ABCD3: variants seen among roughly 807,000 people sequenced by gnomAD.
ABCD3 encodes ATP binding cassette subfamily D member 3.
Under a neutral mutation model 105.5 loss-of-function variants are expected in ABCD3, and 41 were observed. The observed-to-expected ratio is 0.39, with a 90% CI of 0.30 to 0.50. The LOEUF (loss-of-function observed/expected upper bound fraction) is 0.50, where lower values mean the gene tolerates loss of function less well. Ranked by LOEUF, ABCD3 falls within the 20% of genes least tolerant of loss-of-function variation. ABCD3 has a pLI of 0.84. For synonymous variants in ABCD3, 258 were observed against 269.0 expected (o/e 0.96, Z 0.40); for missense variants, 622 against 806.3 (o/e 0.77, Z 2.77).
chr1:94,503,979 C>T (rs1326937025), intron 20 of ABCD3, among the ~76,000 whole-genome samples: 1 of 140,598 alleles, frequency 7.1e-6, no homozygotes, highest in Non-Finnish European at 1.5e-5. Context: ...CTGGCACGAT[C>T]TCAGCTTACT....
At chr1:94,470,596 G>A (rs1648409091) in intron 4 of ABCD3, among the ~76,000 whole-genome samples, 1 of 151,702 alleles carries the variant, frequency 6.6e-6, no homozygotes, top group Non-Finnish European at 1.5e-5. Flanking sequence ...CATTGTGCTG[G>A]GCACTAGGTG....
the ABCD3 span, among the ~76,000 whole-genome samples, chr1:94,395,828 T>TGC: frequency 6.6e-6 from 1 of 151,626 alleles, no homozygotes; most frequent in Non-Finnish European, 1.5e-5. Flanking sequence ...TGTGTGTGTG[T>TGC]GCACGCGTGT....
At position 94,468,890 on chromosome 1, in the gene ABCD3, A is replaced by G. The variant is rs1050708963; in HGVS notation, c.335+883A>G. Among the ~76,000 whole-genome samples, 5 of 11,946 alleles carry G rather than the reference A, an allele frequency of 4.2e-4. No homozygotes were observed. The Admixed American group carries it at 0.012, about 29-fold the overall frequency. The allele number at this position is 11,946 out of a possible 152,430, so 7.8% of individuals were successfully genotyped here. On this transcript the variant is annotated intron_variant, in intron 4 of 22. Transcript: ENST00000370214. ...TAGGACAGTAAAAAATCTTGTATGT[A>G]TAAGGATTAAAGCCTTGAATTACAT...
intron 1 of ABCD3, 134 bp from the exon 2 acceptor site, chr1:94,458,473 T>C: frequency 2.6e-6 from 2 of 765,348 alleles, no homozygotes; most frequent in South Asian, 1.6e-5. Context: ...TTATTTAATA[T>C]GTTCTATCTC....
At chr1:94,503,364 C>T (rs1206401569) in intron 20 of ABCD3, among the ~76,000 whole-genome samples, 1 of 152,150 alleles carries the variant, frequency 6.6e-6, no homozygotes, top group Non-Finnish European at 1.5e-5. Context: ...TAACTGTGTG[C>T]TGCTCTGTCC....
At chr1:94,396,819 T>A in the ABCD3 span, among the ~76,000 whole-genome samples, 1 of 152,230 alleles carries the variant, frequency 6.6e-6, no homozygotes, top group Non-Finnish European at 1.5e-5. Flanking sequence ...AACCGCATGA[T>A]CTCCGGAGGG....
At chr1:94,462,483 T>C (rs571481200) in intron 2 of ABCD3, among the ~76,000 whole-genome samples, 1 of 152,152 alleles carries the variant, frequency 6.6e-6, no homozygotes, top group African/African-American at 2.4e-5. Context: ...AATGATAATT[T>C]GGAAGAATAT....
At chr1:94,396,075 C>T in the ABCD3 span, among the ~76,000 whole-genome samples, 1 of 152,134 alleles carries the variant, frequency 6.6e-6, no homozygotes, top group Non-Finnish European at 1.5e-5. Flanking sequence ...TCTGCCTATC[C>T]TTTCCTTCTT....
chr1:94,465,773 T>A (rs556709114), intron 3 of ABCD3, among the ~76,000 whole-genome samples: 1 of 152,326 alleles, frequency 6.6e-6, no homozygotes, highest in Admixed American at 6.5e-5. Context: ...TTTATCAAGA[T>A]TATCTTCATT....
chr1:94,409,341 A>T, the ABCD3 span, among the ~76,000 whole-genome samples: 1 of 152,224 alleles, frequency 6.6e-6, no homozygotes, highest in Non-Finnish European at 1.5e-5. Context: ...CCATAAACAT[A>T]TACACCTACT....
At chr1:94,496,451 TTGTG>T (rs57988079) in intron 16 of ABCD3, among the ~76,000 whole-genome samples, 339 of 149,060 alleles carry the variant, frequency 2.3e-3, no homozygotes, top group African/African-American at 6.7e-3. Context: ...TGCCATTTCA[TTGTG>T]TGTGTGTGTG....
chr1:94,500,307 G>T (rs749067001), intron 20 of ABCD3, among the ~76,000 whole-genome samples: 3 of 152,046 alleles, frequency 2.0e-5, no homozygotes, highest in Admixed American at 6.6e-5. Flanking sequence ...TTATCTGGGC[G>T]TAGTGGCACA....
intron 3 of ABCD3, among the ~76,000 whole-genome samples, chr1:94,467,303 C>T (rs1177422914): frequency 6.6e-6 from 1 of 151,960 alleles, no homozygotes; most frequent in Admixed American, 6.5e-5. Flanking sequence ...CTGTCTTTTG[C>T]TACCCCAAAC....
chr1:94,450,749 G>GC (rs1647217452), intron 1 of ABCD3, among the ~76,000 whole-genome samples: 1 of 152,154 alleles, frequency 6.6e-6, no homozygotes, highest in Non-Finnish European at 1.5e-5. Context: ...TTCCTCTAGT[G>GC]CCGCTGGGTT....
chr1:94,445,995 C>T lies in ABCD3; in HGVS notation c.111-12612C>T, dbSNP rs186619616. Among the ~76,000 whole-genome samples the T allele has an allele frequency of 2.6e-5, 4 of 152,150 alleles. No homozygotes were observed. The East Asian group carries it at 7.7e-4, about 29-fold the overall frequency. On this transcript the variant is annotated intron_variant, in intron 1 of 22. Transcript: ENST00000370214. ...ACTGAGAGTGGGTAAAGGAAATACT[C>T]AGTTTCCTGGAGCTTGTTCTAACTG...
upstream of ABCD3, among the ~76,000 whole-genome samples, chr1:94,416,476 T>C (rs1175399346): frequency 6.6e-6 from 1 of 152,218 alleles, no homozygotes; most frequent in Non-Finnish European, 1.5e-5. Flanking sequence ...GATCTGTTCA[T>C]CCTTGTGTTA....
At position 94,478,318 on chromosome 1, in the gene ABCD3, G is replaced by C. The variant is rs368906775; in HGVS notation, c.684+3G>C. The C allele has an allele frequency of 9.4e-5, 150 of 1,598,244 alleles. 1 individual carries two copies. The highest frequency in any genetic ancestry group is 5.5e-4 in the Middle Eastern group (3 of 5,454). ...TAACGAGTGCAATTGGAGCTCAGGT[G>C]AGTCTGCTTTTATTTCAACTTTTAA... On this transcript the variant is annotated splice_donor_region_variant and intron_variant, in intron 8 of 22. Transcript: ENST00000370214.
At chr1:94,389,191 G>A in the ABCD3 span, among the ~76,000 whole-genome samples, 1 of 152,200 alleles carries the variant, frequency 6.6e-6, no homozygotes, top group Non-Finnish European at 1.5e-5. Flanking sequence ...TTCAAAGCCT[G>A]TCCAAAACTG....
intron 21 of ABCD3, chr1:94,514,363 G>A (rs968091110): frequency 6.6e-6 from 1 of 151,782 alleles, no homozygotes; most frequent in Admixed American, 6.6e-5. Context: ...ATGTCCCCCT[G>A]AGGGACAAAT....
Sources: allele counts gnomAD v4.1 joint callset (sites outside exome capture counted in the v4.1 genomes callset), GRCh38; gene constraint gnomAD v4.1.1; transcripts MANE v1.5; gene names NCBI Gene and HGNC (gene_info 2026-07-23, HGNC 2026-07-21).